WDR27: variants seen among roughly 807,000 people sequenced by gnomAD.
WDR27 encodes WD repeat-containing protein 27.
In WDR27, 100 loss-of-function variants were observed where a neutral mutation model predicts 114.4. The observed-to-expected ratio is 0.87, with a 90% CI of 0.74 to 1.03. WDR27 has a LOEUF of 1.03. Ranked by LOEUF, WDR27 falls within the 50% of genes least tolerant of loss-of-function variation. WDR27 has a pLI of 0.00. For synonymous variants in WDR27, 449 were observed against 423.1 expected, an observed-to-expected ratio of 1.06 and a Z score of -0.75; for missense variants, 1,129 against 1,092.9, an observed-to-expected ratio of 1.03 and a Z score of -0.47.
chr6:169,480,418 G>C (rs1289190426), intron 25 of WDR27, among the ~76,000 whole-genome samples: 4 of 152,236 alleles, frequency 2.6e-5, no homozygotes, highest in Non-Finnish European at 4.4e-5. Context: ...CAAGGGGTTA[G>C]GTATGCAGGC....
chr6:169,655,442 A>C (rs1823856158), intron 13 of WDR27, among the ~76,000 whole-genome samples: 1 of 152,248 alleles, frequency 6.6e-6, no homozygotes, highest in African/African-American at 2.4e-5. Context: ...GTTAATACTG[A>C]ATAAATCGTG....
chr6:169,588,746 C>T (rs141285538), intron 23 of WDR27, among the ~76,000 whole-genome samples: 1 of 152,322 alleles, frequency 6.6e-6, no homozygotes, highest in East Asian at 1.9e-4. Context: ...GTCCAGGGCA[C>T]CCCACTTTGG....
intron 25 of WDR27, among the ~76,000 whole-genome samples, chr6:169,533,721 G>A (rs1795882285): frequency 6.6e-6 from 1 of 152,218 alleles, no homozygotes. Context: ...CCCATCTGCT[G>A]CAGTGATGAG....
chr6:169,525,124 C>T (rs990007037), intron 25 of WDR27, among the ~76,000 whole-genome samples: 5 of 152,022 alleles, frequency 3.3e-5, no homozygotes, highest in Non-Finnish European at 7.4e-5. Context: ...TCTGAATAGA[C>T]GTTTCTCAAA....
Position 169,594,135 on chromosome 6 carries a change from G to C in WDR27, c.2424+8084C>G, listed in dbSNP as rs74435549. Among the ~76,000 whole-genome samples the C allele has an allele frequency of 9.3e-3, 1,415 of 152,252 alleles. 33 individuals carry two copies. The highest frequency in any genetic ancestry group is 0.033 in the African/African-American group (1,373 of 41,536). The stretch of plus-strand genomic sequence containing the variant: ...CCAGAGACACTGATATATCATGTTA[G>C]AAACAACATTATTTTCAAGAAATTC... On this transcript the variant is annotated intron_variant, in intron 23 of 25. Coordinates refer to ENST00000448612, the MANE Select transcript of WDR27 (RefSeq NM_182552.5).
the WDR27 span, among the ~76,000 whole-genome samples, chr6:169,430,687 A>G: frequency 2.4e-4 from 37 of 152,376 alleles, no homozygotes; most frequent in African/African-American, 8.2e-4. Context: ...ATCCCAGCTC[A>G]TTCTCTGGCA....
intron 2 of WDR27, among the ~76,000 whole-genome samples, chr6:169,672,852 T>C (rs1304863326): frequency 1.3e-5 from 2 of 152,112 alleles, no homozygotes; most frequent in African/African-American, 4.8e-5. Context: ...GTGGCGACCT[T>C]GGCAACTACA....
rs1315415186 is a variant in WDR27 at position 169,582,928 on chromosome 6, C to T, written c.2431G>A (p.Val811Met). The change falls in exon 24 of 26, where the codon GTG (valine) becomes ATG (methionine). Residue 811 changes from valine to methionine, a missense_variant. Transcript: ENST00000448612. ...ACGAEDRHAY[V>M]YEMGSSTFSH... ...AACGTGCTTGAGCCCATTTCATACA[C>T]GTAAGCCTACAAGACAAGATGAGCA... 1.2e-6 allele frequency: 2 copies of T among 1,613,766 alleles called. No individual in the cohort carries two copies. The highest frequency in any genetic ancestry group is 1.3e-5 in the African/African-American group (1 of 75,040).
chr6:169,621,162 G>A (rs1286024364), intron 21 of WDR27, among the ~76,000 whole-genome samples: 1 of 152,122 alleles, frequency 6.6e-6, no homozygotes, highest in Non-Finnish European at 1.5e-5. Context: ...ATATACATAT[G>A]CATACACATG....
chr6:169,660,832 C>T (rs1197485000), intron 9 of WDR27, 66 bp from the exon 10 acceptor site: 19 of 1,425,214 alleles, frequency 1.3e-5, no homozygotes, highest in South Asian at 1.2e-5. Flanking sequence ...GCCCCACGTG[C>T]GCCCCCTGGC....
chr6:169,664,539 C>A, intron 7 of WDR27: 1 of 1,346,936 alleles, frequency 7.4e-7, no homozygotes, highest in Non-Finnish European at 9.5e-7. Flanking sequence ...TCCTACTGTG[C>A]AGGCCTCCCC....
intron 21 of WDR27, among the ~76,000 whole-genome samples, chr6:169,625,076 T>C (rs997454282): frequency 4.6e-5 from 7 of 152,216 alleles, no homozygotes; most frequent in African/African-American, 1.7e-4. Flanking sequence ...GTCACCACTA[T>C]GGAAAGCCAA....
intron 22 of WDR27, among the ~76,000 whole-genome samples, chr6:169,607,973 G>A (rs1809610844): frequency 6.6e-6 from 1 of 152,160 alleles, no homozygotes; most frequent in Admixed American, 6.5e-5. Context: ...CCTAGATGGT[G>A]TAGCCTACTA....
chr6:169,695,349 G>A (rs1785619435), intron 1 of WDR27, among the ~76,000 whole-genome samples: 1 of 152,166 alleles, frequency 6.6e-6, no homozygotes, highest in Non-Finnish European at 1.5e-5. Context: ...TTACTGAGCT[G>A]GGGAAGAACA....
At chr6:169,608,814 A>T (rs1405530309) in intron 22 of WDR27, among the ~76,000 whole-genome samples, 1 of 152,176 alleles carries the variant, frequency 6.6e-6, no homozygotes, top group Non-Finnish European at 1.5e-5. Context: ...CCAAAAGTCC[A>T]CAGTCCAAAG....
the WDR27 span, among the ~76,000 whole-genome samples, chr6:169,428,601 G>A: frequency 1.4e-5 from 2 of 146,376 alleles, no homozygotes; most frequent in South Asian, 4.4e-4. Flanking sequence ...GGACGGTGGC[G>A]GGGGGGAGGG....
chr6:169,662,241 T>C, intron 9 of WDR27, 63 bp downstream of exon 9: 2 of 1,561,728 alleles, frequency 1.3e-6, no homozygotes, highest in Non-Finnish European at 1.8e-6. Flanking sequence ...ATGAACCTAA[T>C]GTTCATCTAA....
At chr6:169,519,824 ACT>A (rs1273258413) in intron 25 of WDR27, among the ~76,000 whole-genome samples, 14 of 151,840 alleles carry the variant, frequency 9.2e-5, no homozygotes, top group Non-Finnish European at 1.9e-4. Context: ...AAGTGAAAAA[ACT>A]CTGAGACAAC....
At chr6:169,649,874 C>A (rs894912851) in intron 14 of WDR27, among the ~76,000 whole-genome samples, 3 of 149,620 alleles carry the variant, frequency 2.0e-5, no homozygotes, top group African/African-American at 7.4e-5. Context: ...AGCCACTCAT[C>A]CATATCTCAT....
Sources: allele counts gnomAD v4.1 joint callset (sites outside exome capture counted in the v4.1 genomes callset), GRCh38; gene constraint gnomAD v4.1.1; transcripts MANE v1.5; gene names NCBI Gene and HGNC (gene_info 2026-07-23, HGNC 2026-07-21).